MYO10: variants seen among roughly 807,000 people sequenced by gnomAD.
The protein encoded by MYO10 is unconventional myosin-X.
In MYO10, 133 loss-of-function variants were observed where a neutral mutation model predicts 257.3. The ratio of observed to expected loss-of-function variants is 0.52; its 90% CI spans 0.45 to 0.60. The LOEUF is 0.60. Ranked by LOEUF, MYO10 falls within the 20% of genes least tolerant of loss-of-function variation. The pLI is 0.00. For missense variants in MYO10, 2,399 were observed against 2,635.7 expected, an observed-to-expected ratio of 0.91 and a Z score of 1.97; for synonymous variants, 1,104 against 1,028.6, an observed-to-expected ratio of 1.07 and a Z score of -1.40.
chr5:16,799,642 G>A (rs559769639), intron 3 of MYO10, among the ~76,000 whole-genome samples: 25 of 152,122 alleles, frequency 1.6e-4, no homozygotes, highest in South Asian at 1.2e-3. Flanking sequence ...ACAGGTGTGT[G>A]CCCCTACGCC....
At chr5:16,752,554 G>A (rs936872503) in intron 19 of MYO10, among the ~76,000 whole-genome samples, 2 of 152,222 alleles carry the variant, frequency 1.3e-5, no homozygotes, top group Non-Finnish European at 2.9e-5. Context: ...CCAAAGTGCT[G>A]GGATTACAGG....
intron 2 of MYO10, among the ~76,000 whole-genome samples, chr5:16,874,993 G>A (rs543748717): frequency 3.6e-4 from 54 of 152,056 alleles, no homozygotes; most frequent in Non-Finnish European, 6.0e-4. Context: ...AAGCAAAAGC[G>A]GAAACCCCTG....
In MYO10 at chr5:16,834,017, C is replaced by A. The variant is rs185989091; in HGVS notation, c.121-15850G>T. On this transcript the variant is annotated intron_variant, in intron 2 of 40. Coordinates refer to ENST00000513610, the MANE Select transcript of MYO10 (RefSeq NM_012334.3). ...ATTTAATGTGGTTTCTCTGCCAGGC[C>A]CCCCCGAACGCCCCATTGTTTCACC... 1.8e-3 allele frequency among the ~76,000 whole-genome samples: 273 copies of A among 152,116 alleles called. 1 individual carries two copies. Among genetic ancestry groups the A allele is most frequent in the Non-Finnish European group, 1.9e-3 (128 of 67,988 alleles).
At chr5:16,831,477 C>T (rs1580051335) in intron 2 of MYO10, among the ~76,000 whole-genome samples, 2 of 150,788 alleles carry the variant, frequency 1.3e-5, no homozygotes, top group Non-Finnish European at 3.0e-5. Context: ...CCCAAATGCC[C>T]GTTAATCAAT....
At chr5:16,920,992 C>T (rs1474787982) in intron 1 of MYO10, among the ~76,000 whole-genome samples, 1 of 152,002 alleles carries the variant, frequency 6.6e-6, no homozygotes, top group Admixed American at 6.6e-5. Flanking sequence ...GTGGTGGGCG[C>T]CTGTAATCCC....
At chr5:16,737,475 G>C (rs1384641361) in intron 19 of MYO10, among the ~76,000 whole-genome samples, 1 of 152,122 alleles carries the variant, frequency 6.6e-6, no homozygotes, top group Non-Finnish European at 1.5e-5. Flanking sequence ...AAACAAAATA[G>C]ACATTTAACT....
chr5:16,776,328 A>T (rs980092143), intron 9 of MYO10, among the ~76,000 whole-genome samples: 7 of 152,060 alleles, frequency 4.6e-5, no homozygotes, highest in Admixed American at 3.9e-4. Flanking sequence ...TGCACTGCTT[A>T]GAATTTCCAG....
At chr5:16,781,100 C>T (rs1172514420) in intron 6 of MYO10, among the ~76,000 whole-genome samples, 1 of 140,710 alleles carries the variant, frequency 7.1e-6, no homozygotes, top group African/African-American at 2.7e-5. Flanking sequence ...TTTTTTTTAA[C>T]ACAGTGTCTC....
intron 19 of MYO10, among the ~76,000 whole-genome samples, chr5:16,721,115 A>G (rs1739138625): frequency 6.6e-6 from 1 of 152,110 alleles, no homozygotes; most frequent in South Asian, 2.1e-4. Context: ...GAAGTTAAAG[A>G]CTCCATAAGA....
chr5:16,697,410 G>A (rs1242523249), intron 26 of MYO10, among the ~76,000 whole-genome samples: 1 of 152,152 alleles, frequency 6.6e-6, no homozygotes, highest in African/African-American at 2.4e-5. Flanking sequence ...TGGAATAAAA[G>A]GGTTTTCATG....
intron 1 of MYO10, among the ~76,000 whole-genome samples, chr5:16,930,081 G>A (rs938250675): frequency 1.2e-4 from 18 of 152,160 alleles, no homozygotes; most frequent in African/African-American, 4.3e-4. Context: ...ACCTCGCAAG[G>A]CTGTTTACTC....
chr5:16,763,343 G>T, intron 14 of MYO10, 138 bp downstream of exon 14: 1 of 702,272 alleles, frequency 1.4e-6, no homozygotes, highest in Non-Finnish European at 2.5e-6. Context: ...TTACATTTAT[G>T]TTTCCAAATG....
intron 3 of MYO10, chr5:16,815,340 C>A: frequency 1.5e-6 from 1 of 653,852 alleles, no homozygotes; most frequent in South Asian, 1.7e-5. Flanking sequence ...AAGTTAAATT[C>A]AAAATCCAAA....
At chr5:16,749,912 G>T (rs1014739699) in intron 19 of MYO10, among the ~76,000 whole-genome samples, 1 of 152,188 alleles carries the variant, frequency 6.6e-6, no homozygotes, top group Non-Finnish European at 1.5e-5. Context: ...AGACTTTTCT[G>T]CCTGGAACTT....
chr5:16,877,570 G>A (rs770228459), intron 2 of MYO10, 39 bp downstream of exon 2: 1 of 1,523,834 alleles, frequency 6.6e-7, no homozygotes, highest in East Asian at 2.3e-5. Context: ...CTACAAAGCA[G>A]ACCATGGATG....
intron 3 of MYO10, among the ~76,000 whole-genome samples, chr5:16,796,082 G>A (rs189651372): frequency 3.8e-4 from 57 of 151,190 alleles, no homozygotes; most frequent in African/African-American, 1.3e-3. Flanking sequence ...CCAGCTACTC[G>A]GGAGGCTGAG....
At chr5:16,731,033 A>AAG (rs373689975) in intron 19 of MYO10, among the ~76,000 whole-genome samples, 5 of 150,736 alleles carry the variant, frequency 3.3e-5, no homozygotes, top group African/African-American at 9.8e-5. Context: ...ACTAGCATTG[A>AAG]TCAAAACACA....
At chr5:16,698,716 T>C (rs1378352527) in intron 26 of MYO10, among the ~76,000 whole-genome samples, 2 of 139,298 alleles carry the variant, frequency 1.4e-5, no homozygotes, top group African/African-American at 6.2e-5. Flanking sequence ...CTCCGCCTCC[T>C]GGGTTCACGC....
rs894084612 is a variant in MYO10 at position 16,793,908 on chromosome 5, G to A, written c.467+738C>T. Among the ~76,000 whole-genome samples the A allele has an allele frequency of 8.9e-5, 13 of 146,422 alleles. No individual in the cohort carries two copies. In the South Asian group the frequency reaches 1.1e-3, roughly 12 times the overall value. Reference sequence around the variant, plus strand: ...ATCGCACCATTGCACTCCAGCCTGGGCAACAAGAGCGAAACTCCAACTCAA... The same window carrying A: ...ATCGCACCATTGCACTCCAGCCTGGACAACAAGAGCGAAACTCCAACTCAA... On this transcript the variant is annotated intron_variant, in intron 4 of 40. Transcript: ENST00000513610.
Sources: gnomAD v4.1 joint callset for allele counts (sites outside exome capture counted in the v4.1 genomes callset) on GRCh38, gnomAD v4.1.1 for gene constraint, MANE v1.5 for transcripts, NCBI Gene and HGNC (gene_info 2026-07-23, HGNC 2026-07-21) for gene names.